The following ABCC6 variants were observed in gnomAD, a reference collection of about 807,000 sequenced individuals.
The protein encoded by ABCC6 is ATP binding cassette subfamily C member 6.
ABCC6 carries 126 observed loss-of-function variants against 169.5 expected under a neutral mutation model. That is an observed-to-expected ratio of 0.74 (90% CI 0.64 to 0.86). The LOEUF is 0.86. Among genes scored for constraint, ABCC6 ranks in the 40% least tolerant of loss-of-function variants. ABCC6 has a pLI of 0.00. For missense variants in ABCC6, 1,733 were observed against 1,927.2 expected (o/e 0.90, Z 1.89); for synonymous variants, 752 against 814.7 (o/e 0.92, Z 1.31).
intron 20 of ABCC6, among the ~76,000 whole-genome samples, chr16:16,173,882 A>G (rs2047188908): frequency 6.6e-6 from 1 of 152,024 alleles, no homozygotes; most frequent in Non-Finnish European, 1.5e-5. Flanking sequence ...TTTTGTTCCT[A>G]CTGTATACCA....
rs2047223547 is a variant in ABCC6, at chr16:16,174,768, C to CCCCCT, written c.2666+1142_2666+1143insAGGGG. Among the ~76,000 whole-genome samples, 2 of 134,316 alleles carry CCCCCT rather than the reference C, an allele frequency of 1.5e-5. 1 individual carries two copies. Among genetic ancestry groups the CCCCCT allele is most frequent in the Non-Finnish European group, 3.3e-5 (2 of 61,122 alleles). 88.1% of individuals were successfully genotyped at this position (134,316 alleles called of 152,430 possible). Reference sequence around the variant, plus strand: ...CAAGATTCTGTCTCAAAACCCCCCCCCGCAAAAAACAAAAAACCTCAGACA... The same window carrying CCCCCT: ...CAAGATTCTGTCTCAAAACCCCCCCCCCCCTCGCAAAAAACAAAAAACCTCAGACA... On this transcript the variant is annotated intron_variant, in intron 20 of 30. Coordinates refer to ENST00000205557, the MANE Select transcript of ABCC6 (RefSeq NM_001171.6).
At chr16:16,185,478 A>AAGG (rs560292191) in intron 14 of ABCC6, among the ~76,000 whole-genome samples, 1 of 152,156 alleles carries the variant, frequency 6.6e-6, no homozygotes, top group Non-Finnish European at 1.5e-5. Flanking sequence ...TCCCAGAGTG[A>AAGG]AGGGGGTGTT....
chr16:16,173,891 C>T (rs556390391), intron 20 of ABCC6, among the ~76,000 whole-genome samples: 1 of 152,140 alleles, frequency 6.6e-6, no homozygotes, highest in South Asian at 2.1e-4. Flanking sequence ...TACTGTATAC[C>T]ATCAGATTTG....
rs570698258 is a variant in ABCC6, at chr16:16,164,744, G to C, written c.3306+879C>G. ...GGGTTAATTAAAACCTAGATTCATG[G>C]GCCGACCCACATAGTATCTGAGGCA... On this transcript the variant is annotated intron_variant, in intron 23 of 30. Transcript: ENST00000205557. Among the ~76,000 whole-genome samples the C allele has an allele frequency of 2.6e-5, 4 of 152,186 alleles. No homozygotes were observed. In the South Asian group the frequency reaches 8.3e-4, roughly 32 times the overall value.
chr16:16,199,894 C>T (rs558398865), intron 9 of ABCC6, among the ~76,000 whole-genome samples: 1 of 150,676 alleles, frequency 6.6e-6, no homozygotes, highest in East Asian at 2.0e-4. Flanking sequence ...ATGGCAAAAC[C>T]CCATCTCTAG....
chr16:16,172,140 C>G (rs77958612), intron 21 of ABCC6, among the ~76,000 whole-genome samples: 153 of 13,120 alleles, frequency 0.012, no homozygotes, highest in Admixed American at 0.018. Context: ...GGATGGGATG[C>G]ATAAATGAGT....
chr16:16,205,130 C>G (rs2048352671), intron 7 of ABCC6, among the ~76,000 whole-genome samples: 2 of 152,150 alleles, frequency 1.3e-5, no homozygotes, highest in Admixed American at 1.3e-4. Context: ...GCCACCATGC[C>G]CGGCCACTTA....
Position 16,203,670 on chromosome 16 carries a change from G to A in ABCC6, c.795-57C>T, listed in dbSNP as rs2048313103. ...CCATTTTATACTCTCAGCCGCCAGC[G>A]GCAGGGCCAGGCATTAAAGGGTTGT... On this transcript the variant is annotated intron_variant, in intron 7 of 30. Transcript: ENST00000205557. 8 of 1,592,432 alleles carry A rather than the reference G, an allele frequency of 5.0e-6. No individual in the cohort carries two copies. In the South Asian group the frequency reaches 6.7e-5, roughly 13 times the overall value.
intron 20 of ABCC6, among the ~76,000 whole-genome samples, chr16:16,174,860 A>G (rs2047227125): frequency 6.7e-6 from 1 of 148,442 alleles, no homozygotes; most frequent in Non-Finnish European, 1.5e-5. Context: ...TCCGAGGTTC[A>G]AGTGATTCTC....
intron 4 of ABCC6, among the ~76,000 whole-genome samples, chr16:16,216,303 TTC>T (rs1372216081): frequency 6.6e-6 from 1 of 151,742 alleles, no homozygotes; most frequent in Non-Finnish European, 1.5e-5. Context: ...ATATTATTCT[TTC>T]TGTTTTTTTG....
At chr16:16,210,968 G>A (rs375567081) in intron 6 of ABCC6, among the ~76,000 whole-genome samples, 5 of 152,082 alleles carry the variant, frequency 3.3e-5, no homozygotes, top group Admixed American at 2.6e-4. Flanking sequence ...GATGGCAGGC[G>A]CCTGTAATCC....
In ABCC6 at chr16:16,190,216, G is replaced by A. The variant is rs2047801250; in HGVS notation, c.1583C>T (p.Ser528Phe). The A allele has an allele frequency of 6.2e-7, 1 of 1,613,964 alleles. No homozygotes were observed. Among genetic ancestry groups the A allele is most frequent in the Admixed American group, 1.7e-5 (1 of 59,976 alleles). ...RGQELGALRT[S>F]GLLFSVSLVS... ...CAGCGACACAGAGAAGAGGAGGCCG[G>A]AGGTCCGCAAGGCGCCCAGCTCCTG... Residue 528 changes from serine (S) to phenylalanine (F), a missense_variant, in exon 12 of 31, where the codon TCC (serine) becomes TTC (phenylalanine). This residue lies in a region of ABCC6 where 1,601 missense variants were observed against 1,635.5 expected (regional missense o/e 0.98). Transcript: ENST00000205557.
intron 23 of ABCC6, among the ~76,000 whole-genome samples, chr16:16,164,079 G>C (rs1047591750): frequency 6.6e-6 from 1 of 152,108 alleles, no homozygotes; most frequent in Non-Finnish European, 1.5e-5. Flanking sequence ...TGTCACCCAG[G>C]CTGGAGTGCA....
intron 9 of ABCC6, among the ~76,000 whole-genome samples, chr16:16,200,370 A>G (rs892116557): frequency 7.0e-6 from 1 of 143,128 alleles, no homozygotes; most frequent in Non-Finnish European, 1.5e-5. Context: ...CGGAGGTTGT[A>G]GTGAGCCGGG....
rs1200995546 is a variant in ABCC6, at chr16:16,177,448, G to A, written c.2590+4C>T. 1 of 1,613,932 alleles carries A rather than the reference G, an allele frequency of 6.2e-7. No individual in the cohort carries two copies. Among genetic ancestry groups the A allele is most frequent in the Non-Finnish European group, 8.5e-7 (1 of 1,180,056 alleles). On this transcript the variant is annotated splice_donor_region_variant and intron_variant, in intron 19 of 30. Transcript: ENST00000205557. Reference sequence around the variant, plus strand: ...CTGGAGAATCAGCAAAGCCCACCTAGTACCTCCTTCTCCTCTATCTCCTGG... The same window carrying A: ...CTGGAGAATCAGCAAAGCCCACCTAATACCTCCTTCTCCTCTATCTCCTGG...
rs760560012 is a variant in ABCC6 at position 16,157,815 on chromosome 16, G to C, written c.3736-6C>G. On this transcript the variant is annotated splice_polypyrimidine_tract_variant and splice_region_variant and intron_variant, in intron 26 of 30. Coordinates refer to ENST00000205557, the MANE Select transcript of ABCC6 (RefSeq NM_001171.6). The stretch of plus-strand genomic sequence containing the variant: ...GTGGGCAGCCTCCAGGGAGCCTGGA[G>C]CAGGAGGGGAAACTGAGTCAGAGGA... 1.1e-5 allele frequency: 17 copies of C among 1,608,718 alleles called. No individual in the cohort carries two copies. Among genetic ancestry groups the C allele is most frequent in the Non-Finnish European group, 1.4e-5 (17 of 1,179,186 alleles).
At chr16:16,209,890 CT>C (rs1291183393) in intron 6 of ABCC6, among the ~76,000 whole-genome samples, 1 of 152,196 alleles carries the variant, frequency 6.6e-6, no homozygotes, top group Non-Finnish European at 1.5e-5. Context: ...GCCACCACAC[CT>C]GGCTAATTTT....
chr16:16,193,976 T>C (rs1394092956), intron 10 of ABCC6, among the ~76,000 whole-genome samples: 1 of 152,176 alleles, frequency 6.6e-6, no homozygotes, highest in African/African-American at 2.4e-5. Context: ...GGTCCTTCAA[T>C]GTCAGGGAGG....
At chr16:16,202,229 G>T in intron 8 of ABCC6, 51 bp from the exon 9 acceptor site, 1 of 1,564,568 alleles carries the variant, frequency 6.4e-7, no homozygotes, top group Non-Finnish European at 8.7e-7. Context: ...AGGTGCCTAA[G>T]GGTGTTGCCT....
Sources: gnomAD v4.1 joint callset for allele counts (sites outside exome capture counted in the v4.1 genomes callset) on GRCh38, gnomAD v4.1.1 for gene constraint, gnomAD v4.1.1 regional missense constraint, MANE v1.5 for transcripts, NCBI Gene and HGNC (gene_info 2026-07-23, HGNC 2026-07-21) for gene names.